KIF26B: variants seen among roughly 807,000 people sequenced by gnomAD.
KIF26B encodes kinesin-like protein KIF26B.
Under a neutral mutation model 151.2 loss-of-function variants are expected in KIF26B, and 63 were observed. That is an observed-to-expected ratio of 0.42 (90% confidence interval 0.34 to 0.51). The LOEUF (loss-of-function observed/expected upper bound fraction) is 0.51, where lower values mean the gene tolerates loss of function less well. Ranked by LOEUF, KIF26B falls within the 20% of genes least tolerant of loss-of-function variation. The pLI is 0.07. For synonymous variants in KIF26B, 1,357 were observed against 1,262.1 expected, an observed-to-expected ratio of 1.08 and a Z score of -1.59; for missense variants, 2,813 against 2,913.6, an observed-to-expected ratio of 0.97 and a Z score of 0.79.
chr1:245,544,142 T>C (rs953863026), intron 5 of KIF26B, among the ~76,000 whole-genome samples: 3 of 152,196 alleles, frequency 2.0e-5, no homozygotes, highest in African/African-American at 7.2e-5. Flanking sequence ...TCACCATCAT[T>C]AGGAACAGCA....
intron 6 of KIF26B, among the ~76,000 whole-genome samples, chr1:245,603,907 TGGG>T (rs1178308725): frequency 1.3e-5 from 2 of 152,088 alleles, no homozygotes; most frequent in African/African-American, 4.8e-5. Flanking sequence ...GGAGGCTACT[TGGG>T]GGCCCAGGGT....
At chr1:245,647,673 C>T (rs991189302) in intron 10 of KIF26B, among the ~76,000 whole-genome samples, 27 of 152,196 alleles carry the variant, frequency 1.8e-4, no homozygotes, top group African/African-American at 5.3e-4. Context: ...AGGAAAAAGT[C>T]GGGCAGTGTA....
chr1:245,535,074 C>T (rs1210973898), intron 4 of KIF26B, among the ~76,000 whole-genome samples: 1 of 152,170 alleles, frequency 6.6e-6, no homozygotes, highest in Non-Finnish European at 1.5e-5. Context: ...TGAGCCACTG[C>T]ACCTGGCCGT....
chr1:245,605,129 C>T (rs1234583361), intron 6 of KIF26B, among the ~76,000 whole-genome samples: 2 of 151,502 alleles, frequency 1.3e-5, no homozygotes, highest in African/African-American at 2.4e-5. Context: ...TGTCCTTCCT[C>T]ATCTGTCAGG....
rs1462694700 is a variant in KIF26B at position 245,540,075 on chromosome 1, G to A, written c.1167-692G>A. 2.0e-5 allele frequency among the ~76,000 whole-genome samples: 3 copies of A among 152,222 alleles called. No homozygotes were observed. The highest frequency in any genetic ancestry group is 1.9e-4 in the East Asian group (1 of 5,190). Reference sequence around the variant, plus strand: ...ACCTTTCCCTGCCTTCACACTCTGTGCCCCCTTCAGTGCTTTGACCCCTTA... The same window carrying A: ...ACCTTTCCCTGCCTTCACACTCTGTACCCCCTTCAGTGCTTTGACCCCTTA... On this transcript the variant is annotated intron_variant, in intron 4 of 14. Coordinates refer to ENST00000407071, the MANE Select transcript of KIF26B (RefSeq NM_018012.4). This position sits in a 1 kb window ranked among gnomAD's most constrained non-coding sequence, Gnocchi z 4.6.
Position 245,540,999 on chromosome 1 carries a change from G to C in KIF26B, c.1350+49G>C, listed in dbSNP as rs1034725974. ...CATTTGCCCAGTGTGCGAGGTTCTG[G>C]ATCAAGTTTCAGGAGGAAGAAAATG... is the stretch of plus-strand genomic sequence containing the variant. On this transcript the variant is annotated intron_variant, in intron 5 of 14. Transcript: ENST00000407071. This position sits in a 1 kb window ranked among gnomAD's most constrained non-coding sequence, Gnocchi z 4.6. 1.2e-5 allele frequency: 18 copies of C among 1,510,292 alleles called. No homozygotes were observed. Among genetic ancestry groups the C allele is most frequent in the African/African-American group, 1.4e-5 (1 of 71,726 alleles). 93.6% of individuals were successfully genotyped at this position (1,510,292 alleles called of 1,614,324 possible).
At chr1:245,534,397 G>C (rs543008970) in intron 4 of KIF26B, among the ~76,000 whole-genome samples, 1 of 152,022 alleles carries the variant, frequency 6.6e-6, no homozygotes, top group African/African-American at 2.4e-5. Flanking sequence ...TCCTGACCTC[G>C]TGATCTGCCT....
At chr1:245,293,112 G>T (rs1327070545) in intron 2 of KIF26B, among the ~76,000 whole-genome samples, 3 of 152,184 alleles carry the variant, frequency 2.0e-5, no homozygotes, top group Admixed American at 1.3e-4. Context: ...AGTCTTGTGT[G>T]TGTGTATGTG....
chr1:245,575,157 G>T (rs2043106268), intron 5 of KIF26B, among the ~76,000 whole-genome samples: 1 of 150,174 alleles, frequency 6.7e-6, no homozygotes, highest in African/African-American at 2.4e-5. Context: ...AAGCCACCGC[G>T]CCTGGCCTTT....
chr1:245,208,127 C>T (rs754635174), intron 2 of KIF26B, among the ~76,000 whole-genome samples: 1 of 152,316 alleles, frequency 6.6e-6, no homozygotes, highest in Non-Finnish European at 1.5e-5. Flanking sequence ...CTATTCTCAC[C>T]TCTGTGCCAG....
At chr1:245,303,010 A>AAAAAAAAG (rs1553342657) in intron 2 of KIF26B, among the ~76,000 whole-genome samples, 3 of 149,178 alleles carry the variant, frequency 2.0e-5, no homozygotes, top group African/African-American at 7.4e-5. Context: ...AAAAAAAAAA[A>AAAAAAAAG]AAAGAAAGAA....
intron 3 of KIF26B, among the ~76,000 whole-genome samples, chr1:245,376,568 G>A (rs1235674145): frequency 6.6e-6 from 1 of 152,244 alleles, no homozygotes; most frequent in Admixed American, 6.5e-5. Context: ...GGCGTAATAG[G>A]TACAGGGAAG....
At chr1:245,295,017 C>T (rs1200328933) in intron 2 of KIF26B, among the ~76,000 whole-genome samples, 1 of 152,092 alleles carries the variant, frequency 6.6e-6, no homozygotes, top group Non-Finnish European at 1.5e-5. Context: ...TTTGACTGCT[C>T]TCATATTTTC....
At chr1:245,605,546 G>T (rs1349759392) in intron 6 of KIF26B, among the ~76,000 whole-genome samples, 5 of 152,182 alleles carry the variant, frequency 3.3e-5, no homozygotes, top group Non-Finnish European at 7.3e-5. Flanking sequence ...CCCTTCAGTG[G>T]CTTCGGCAGT....
intron 5 of KIF26B, among the ~76,000 whole-genome samples, chr1:245,546,444 G>A (rs907740104): frequency 7.2e-5 from 11 of 152,102 alleles, no homozygotes; most frequent in Non-Finnish European, 1.3e-4. Context: ...GTGATGCCGG[G>A]GAAAATCTCA....
At chr1:245,627,169 A>G (rs1470359825) in intron 9 of KIF26B, among the ~76,000 whole-genome samples, 1 of 152,166 alleles carries the variant, frequency 6.6e-6, no homozygotes, top group Non-Finnish European at 1.5e-5. Context: ...AGCTAGTGTG[A>G]TGCCTCCAGC....
rs766625748 is a variant in KIF26B, at chr1:245,606,202, G to A, written c.1558-1449G>A. On this transcript the variant is annotated intron_variant, in intron 6 of 14. Coordinates refer to ENST00000407071, the MANE Select transcript of KIF26B (RefSeq NM_018012.4). This position sits in a 1 kb window ranked among gnomAD's most constrained non-coding sequence, Gnocchi z 4.6. ...GCCCAGGAGGAGCCCCCCGCCCCCC[G>A]CAGAGTTGCTGGGGACCACCCTGGA... is the stretch of plus-strand genomic sequence containing the variant. 3.3e-5 allele frequency among the ~76,000 whole-genome samples: 5 copies of A among 152,132 alleles called. No individual in the cohort carries two copies. The highest frequency in any genetic ancestry group is 4.8e-5 in the African/African-American group (2 of 41,452).
At chr1:245,473,466 C>G (rs944536162) in intron 4 of KIF26B, among the ~76,000 whole-genome samples, 1 of 151,924 alleles carries the variant, frequency 6.6e-6, no homozygotes, top group African/African-American at 2.4e-5. Flanking sequence ...CGAGTGTGCC[C>G]CCATCGACAA....
intron 5 of KIF26B, among the ~76,000 whole-genome samples, chr1:245,568,674 G>T (rs1371248778): frequency 6.6e-6 from 1 of 152,194 alleles, no homozygotes; most frequent in African/African-American, 2.4e-5. Flanking sequence ...AGGGTCTCAT[G>T]GGGGTACCTT....
Sources: gnomAD v4.1 joint callset for allele counts (sites outside exome capture counted in the v4.1 genomes callset) on GRCh38, gnomAD v4.1.1 for gene constraint, Gnocchi (gnomAD v3.1) non-coding constraint, MANE v1.5 for transcripts, NCBI Gene and HGNC (gene_info 2026-07-23, HGNC 2026-07-21) for gene names.